USP6: variants seen among roughly 807,000 people sequenced by gnomAD.
The protein encoded by USP6 is ubiquitin specific peptidase 6.
USP6 carries 128 observed loss-of-function variants against 175.7 expected under a neutral mutation model. That is an observed-to-expected ratio of 0.73 (90% CI 0.63 to 0.84). The LOEUF (loss-of-function observed/expected upper bound fraction) is 0.84, where lower values mean the gene tolerates loss of function less well. USP6 is among the 40% of genes least tolerant of loss of function. The pLI is 0.00. For missense variants in USP6, 1,498 were observed against 1,760.3 expected, an observed-to-expected ratio of 0.85 and a Z score of 2.67; for synonymous variants, 562 against 630.6, an observed-to-expected ratio of 0.89 and a Z score of 1.63.
chr17:5,120,567 G>A (rs1212483753), intron 2 of USP6, 60 bp from the exon 3 acceptor site: 2 of 353,230 alleles, frequency 5.7e-6, no homozygotes, highest in African/African-American at 4.3e-5. Context: ...AAAGAAGGCA[G>A]GCCCCAGGGT....
At position 5,168,911 on chromosome 17, in the gene USP6, C is replaced by A. The variant is rs777437418; in HGVS notation, c.3373C>A (p.Pro1125Thr). ...CCTCTGCCAGCATAAACCACTCACA[C>A]CCCAGGGGGATGAGCTCTCCAAGCC... ...PALCQHKPLT[P>T]QGDELSKPRI... The change falls in exon 35 of 38, where the codon CCC (proline) becomes ACC (threonine). Residue 1125 changes from proline to threonine, a missense_variant. This residue lies in a region of USP6 where 1,217 missense variants were observed against 1,500.8 expected (regional missense o/e 0.81). Transcript: ENST00000574788. The A allele has an allele frequency of 5.6e-6, 9 of 1,613,976 alleles. No individual in the cohort carries two copies. In the Middle Eastern group the frequency reaches 8.3e-4, roughly 148 times the overall value.
At chr17:5,138,959 G>GC (rs776422580) in intron 21 of USP6, 3 of 1,434,680 alleles carry the variant, frequency 2.1e-6, no homozygotes, top group Admixed American at 2.1e-5. Flanking sequence ...CTGATGGGGG[G>GC]CCATATCCCA....
chr17:5,147,037 T>G (rs1248142113), intron 28 of USP6, 46 bp from the exon 29 acceptor site: 4 of 1,550,396 alleles, frequency 2.6e-6, no homozygotes, highest in Non-Finnish European at 3.5e-6. Context: ...CTTTTCCTTT[T>G]TATCTGAAAC....
rs1294232588 is a variant in USP6, at chr17:5,162,869, T to G, written c.2916-15T>G. The stretch of plus-strand genomic sequence containing the variant: ...TAATTATTTCTTCCTCTGTGGATCT[T>G]TCCCCCCTTTTTAGATTTTGCAGAG... On this transcript the variant is annotated splice_polypyrimidine_tract_variant and intron_variant, in intron 32 of 37. Coordinates refer to ENST00000574788, the MANE Select transcript of USP6 (RefSeq NM_001304284.2). The G allele has an allele frequency of 6.3e-7, 1 of 1,590,712 alleles. No individual in the cohort carries two copies. Among genetic ancestry groups the G allele is most frequent in the South Asian group, 1.2e-5 (1 of 84,692 alleles).
rs1401120481 is a variant in USP6, at chr17:5,118,221, C to CGTGGGACTCAAGACAGGGGTGCCCTG, written c.-1905_-1880dup. On this transcript the variant is annotated 5_prime_UTR_variant, in exon 2 of 38. Transcript: ENST00000574788. Reference sequence around the variant, plus strand: ...ACAGGATTTTTTTCCTTGATTCCTTCGTGGGACTCAAGACAGGGGTGCCCT... The same window carrying CGTGGGACTCAAGACAGGGGTGCCCTG: ...ACAGGATTTTTTTCCTTGATTCCTTCGTGGGACTCAAGACAGGGGTGCCCTGGTGGGACTCAAGACAGGGGTGCCCT... 7 of 152,438 alleles carry CGTGGGACTCAAGACAGGGGTGCCCTG rather than the reference C, an allele frequency of 4.6e-5. No homozygotes were observed. Among genetic ancestry groups the CGTGGGACTCAAGACAGGGGTGCCCTG allele is most frequent in the African/African-American group, 1.4e-4 (6 of 41,428 alleles). 9.4% of individuals were successfully genotyped at this position (152,438 alleles called of 1,614,324 possible). A position where few individuals can be genotyped will look rare whatever the true frequency, so the allele number is the denominator to read the frequency against.
At chr17:5,150,461 A>G (rs1412071435) in intron 30 of USP6, among the ~76,000 whole-genome samples, 1 of 151,718 alleles carries the variant, frequency 6.6e-6, no homozygotes, top group East Asian at 1.9e-4. Context: ...ATAACAAATT[A>G]CCATAAATTT....
At chr17:5,162,862 T>C in intron 32 of USP6, 22 bp from the exon 33 acceptor site, 2 of 1,587,956 alleles carry the variant, frequency 1.3e-6, no homozygotes, top group Admixed American at 2.0e-5. Flanking sequence ...TCTTCCTCTG[T>C]GGATCTTTCC....
Position 5,171,574 on chromosome 17 carries a change from T to G in USP6, c.3955-13T>G. The G allele has an allele frequency of 6.2e-7, 1 of 1,613,482 alleles. No homozygotes were observed. ...TAACTACTAACATACCTCCACTCTC[T>G]TATCTCTTACAGTGCCATTCAGGAA... On this transcript the variant is annotated splice_polypyrimidine_tract_variant and intron_variant, in intron 36 of 37. Coordinates refer to ENST00000574788, the MANE Select transcript of USP6 (RefSeq NM_001304284.2).
chr17:5,125,550 C>CT (rs1331663058), intron 5 of USP6, among the ~76,000 whole-genome samples: 2 of 152,244 alleles, frequency 1.3e-5, no homozygotes, highest in East Asian at 3.9e-4. Flanking sequence ...TGAAAACACT[C>CT]TCTTGCTGTG....
At position 5,135,825 on chromosome 17, in the gene USP6, G is replaced by A. The variant is rs374376037; in HGVS notation, c.561G>A (p.Arg187=). The part of the protein sequence containing the change: ...SEYNPEVGYC[R]DLSHITALFL... ...TCTTGCAGGAGGTGGGCTACTGCAG[G>A]GACCTGAGCCACATCACCGCCTTGT... The change falls in exon 17 of 38, where the codon AGG becomes AGA. Residue 187 remains arginine (R), a synonymous_variant. Transcript: ENST00000574788. 3.1e-6 allele frequency: 5 copies of A among 1,598,382 alleles called. No individual in the cohort carries two copies. Among genetic ancestry groups the A allele is most frequent in the Non-Finnish European group, 3.4e-6 (4 of 1,179,742 alleles).
Position 5,132,251 on chromosome 17 carries a change from C to T in USP6, c.156-145C>T, listed in dbSNP as rs774858893. 5.7e-5 allele frequency: 91 copies of T among 1,598,616 alleles called. No individual in the cohort carries two copies. Among genetic ancestry groups the T allele is most frequent in the Non-Finnish European group, 7.4e-5 (87 of 1,171,580 alleles). On this transcript the variant is annotated intron_variant, in intron 11 of 37. Coordinates refer to ENST00000574788, the MANE Select transcript of USP6 (RefSeq NM_001304284.2). The surrounding 1 kb of genome is among the most constrained non-coding windows in gnomAD (Gnocchi z 4.7). ...TGGGAGTCAGAGCCACAGGAAGGCC[C>T]TTGTCCTCCCTTCCCTGTGCCTTCT...
At chr17:5,133,840 T>C (rs2073160642) in intron 14 of USP6, 47 bp from the exon 15 acceptor site, 1 of 1,579,632 alleles carries the variant, frequency 6.3e-7, no homozygotes, top group South Asian at 1.1e-5. Context: ...GCAGGGAGTC[T>C]TCCATCTGTT....
intron 2 of USP6, among the ~76,000 whole-genome samples, chr17:5,119,369 A>G (rs1423614122): frequency 1.3e-5 from 2 of 152,186 alleles, no homozygotes. Flanking sequence ...CTACCTATAA[A>G]AGCTTTGAAT....
At chr17:5,139,017 A>C (rs1350014210) in intron 21 of USP6, 2 of 1,553,046 alleles carry the variant, frequency 1.3e-6, no homozygotes, top group Non-Finnish European at 1.7e-6. Context: ...GCCCCCAGCC[A>C]GTCTGAACCC....
At chr17:5,138,096 G>C (rs2073316468) in intron 20 of USP6, 25 bp from the exon 21 acceptor site, 1 of 1,613,796 alleles carries the variant, frequency 6.2e-7, no homozygotes, top group Admixed American at 1.7e-5. Flanking sequence ...GAACTCTCCT[G>C]GCCTGATATC....
chr17:5,149,720 A>G (rs750872476), intron 30 of USP6, among the ~76,000 whole-genome samples: 25 of 152,104 alleles, frequency 1.6e-4, no homozygotes, highest in African/African-American at 5.8e-4. Context: ...AGAGGACACA[A>G]GAATGTTCTT....
chr17:5,116,668 C>T lies in USP6; in HGVS notation c.-2000C>T, dbSNP rs553437998. The T allele has an allele frequency of 6.6e-6, 1 of 152,338 alleles. No homozygotes were observed. The highest frequency in any genetic ancestry group is 2.1e-4 in the South Asian group (1 of 4,826). 9.4% of individuals were successfully genotyped at this position (152,338 alleles called of 1,614,324 possible). ...CTGAACAGGAAGGAACTGGGAGACC[C>T]AAGACTGTACCGCCAAGACCGCTTT... On this transcript the variant is annotated 5_prime_UTR_variant, in exon 1 of 38. Coordinates refer to ENST00000574788, the MANE Select transcript of USP6 (RefSeq NM_001304284.2).
At chr17:5,133,841 TC>T (rs2073160769) in intron 14 of USP6, 45 bp from the exon 15 acceptor site, 1 of 1,581,778 alleles carries the variant, frequency 6.3e-7, no homozygotes, top group East Asian at 2.2e-5. Flanking sequence ...CAGGGAGTCT[TC>T]CATCTGTTCT....
rs1326921380 is a variant in USP6, at chr17:5,171,587, T to C, written c.3955T>C (p.Cys1319Arg). ...ACCTCCACTCTCTTATCTCTTACAG[T>C]GCCATTCAGGAATTCTGAGTGGGGG... is the stretch of plus-strand genomic sequence containing the variant. ...KPIYNLYAIS[C>R]HSGILSGGHY... The change falls in exon 37 of 38, where the codon TGC becomes CGC. Residue 1319 changes from cysteine (C) to arginine (R), a missense_variant and splice_region_variant. Transcript: ENST00000574788. The C allele has an allele frequency of 6.2e-7, 1 of 1,613,702 alleles. No homozygotes were observed. The highest frequency in any genetic ancestry group is 1.3e-5 in the African/African-American group (1 of 74,994).
Sources: gnomAD v4.1 joint callset for allele counts (sites outside exome capture counted in the v4.1 genomes callset) on GRCh38, gnomAD v4.1.1 for gene constraint, gnomAD v4.1.1 regional missense constraint, Gnocchi (gnomAD v3.1) non-coding constraint, MANE v1.5 for transcripts, NCBI Gene and HGNC (gene_info 2026-07-23, HGNC 2026-07-21) for gene names.